The following PCDHGA1 variants were observed in gnomAD, a reference collection of about 807,000 sequenced individuals.
The protein encoded by PCDHGA1 is protocadherin gamma subfamily A, 1.
In PCDHGA1, 32 loss-of-function variants were observed where a neutral mutation model predicts 58.0. That is an observed-to-expected ratio of 0.55 (90% CI 0.42 to 0.74). The LOEUF is 0.74. PCDHGA1 is among the 30% of genes least tolerant of loss of function. PCDHGA1 has a pLI of 0.00. For missense variants in PCDHGA1, 1,205 were observed against 1,182.3 expected, an observed-to-expected ratio of 1.02 and a Z score of -0.28; for synonymous variants, 498 against 501.1, an observed-to-expected ratio of 0.99 and a Z score of 0.08.
rs1360364370 is a variant in PCDHGA1, at chr5:141,491,814, G to A, written c.2422-2993G>A. 1 of 1,486,114 alleles carries A rather than the reference G, an allele frequency of 6.7e-7. No individual in the cohort carries two copies. The allele number at this position is 1,486,114 out of a possible 1,614,324, so 92.1% of individuals were successfully genotyped here. On this transcript the variant is annotated intron_variant, in intron 1 of 3. Transcript: ENST00000517417. This position sits in a 1 kb window ranked among gnomAD's most constrained non-coding sequence, Gnocchi z 6.9. ...TCCTCTCCGGCCGGCTTGGTCGCTGGCTGCGCTCCACCCGATTCTCGGGAT... is the reference window on the plus strand; with the variant it reads ...TCCTCTCCGGCCGGCTTGGTCGCTGACTGCGCTCCACCCGATTCTCGGGAT...
chr5:141,378,320 CGA>C (rs1285013125), intron 1 of PCDHGA1: 1 of 152,164 alleles, frequency 6.6e-6, no homozygotes, highest in Admixed American at 6.5e-5. Flanking sequence ...GTCAGGAGTT[CGA>C]GACCAGCCTG....
chr5:141,341,418 A>G (rs757358627), intron 1 of PCDHGA1: 2 of 1,613,748 alleles, frequency 1.2e-6, no homozygotes, highest in African/African-American at 2.7e-5. Context: ...TTCACAACAT[A>G]CGTACTAGCT....
chr5:141,490,288 G>T lies in PCDHGA1; in HGVS notation c.2422-4519G>T, dbSNP rs2099698282. 1.2e-6 allele frequency: 2 copies of T among 1,614,080 alleles called. No homozygotes were observed. Among genetic ancestry groups the T allele is most frequent in the South Asian group, 1.1e-5 (1 of 91,092 alleles). On this transcript the variant is annotated intron_variant, in intron 1 of 3. Transcript: ENST00000517417. This position sits in a 1 kb window ranked among gnomAD's most constrained non-coding sequence, Gnocchi z 5.4. ...GGATGTCAATGACAATGCCCCAGAG[G>T]TGCTATTGGCCTCTTTGGCCAACCC...
intron 1 of PCDHGA1, chr5:141,340,637 A>C: frequency 6.2e-7 from 1 of 1,614,170 alleles, no homozygotes; most frequent in Non-Finnish European, 8.5e-7. Flanking sequence ...GCTGGACCAG[A>C]ACGACAACGC....
chr5:141,427,425 AC>A (rs1184817093), intron 1 of PCDHGA1: 2 of 469,034 alleles, frequency 4.3e-6, no homozygotes, highest in Non-Finnish European at 8.5e-6. Flanking sequence ...TGGGGAGGTT[AC>A]ATGCCTCATA....
chr5:141,331,981 T>G lies in PCDHGA1; in HGVS notation c.1297T>G (p.Ser433Ala), dbSNP rs762506899. ...AATAGACCAAGGAACTCCAGCTCTATCTACTGAAACTCACATTTCACTACT... is the reference window on the plus strand; with the variant it reads ...AATAGACCAAGGAACTCCAGCTCTAGCTACTGAAACTCACATTTCACTACT... The part of the protein sequence containing the change: ...TAIDQGTPAL[S>A]TETHISLLVT... The change falls in exon 1 of 4, where the codon TCT (serine) becomes GCT (alanine). Residue 433 changes from serine to alanine, a missense_variant. By Grantham distance (99) the Ser-to-Ala change is moderately conservative (BLOSUM62 1). Coordinates refer to ENST00000517417, the MANE Select transcript of PCDHGA1 (RefSeq NM_018912.3). The G allele has an allele frequency of 6.2e-7, 1 of 1,614,004 alleles. No homozygotes were observed. Among genetic ancestry groups the G allele is most frequent in the Non-Finnish European group, 8.5e-7 (1 of 1,180,012 alleles).
At chr5:141,460,961 A>ATATGTGTG (rs1463306338) in intron 1 of PCDHGA1, among the ~76,000 whole-genome samples, 3 of 144,556 alleles carry the variant, frequency 2.1e-5, no homozygotes, top group African/African-American at 7.8e-5. Context: ...GTATATATAT[A>ATATGTGTG]TGTGTGTGTG....
chr5:141,405,108 G>A, intron 1 of PCDHGA1: 1 of 1,613,960 alleles, frequency 6.2e-7, no homozygotes, highest in Non-Finnish European at 8.5e-7. Flanking sequence ...CTGAGGCACT[G>A]GCACTCCTCG....
Position 141,351,711 on chromosome 5 carries a change from CCTA to C in PCDHGA1, c.2421+18609_2421+18611del, listed in dbSNP as rs549925398. On this transcript the variant is annotated intron_variant, in intron 1 of 3. Transcript: ENST00000517417. ...GATTTGGGACCCAACGGCAGAGTCT[CCTA>C]CTCTATTCTGGCCAGTGACCTGGAG... 1.1e-4 allele frequency: 173 copies of C among 1,613,916 alleles called. 1 individual carries two copies. In the African/African-American group the frequency reaches 2.0e-3, roughly 18 times the overall value.
Position 141,361,293 on chromosome 5 carries a change from GT to G in PCDHGA1, c.2421+28190del, listed in dbSNP as rs748961752. 9.3e-6 allele frequency: 15 copies of G among 1,614,018 alleles called. No homozygotes were observed. The Admixed American group carries it at 2.3e-4, about 25-fold the overall frequency. On this transcript the variant is annotated intron_variant, in intron 1 of 3. Coordinates refer to ENST00000517417, the MANE Select transcript of PCDHGA1 (RefSeq NM_018912.3). The stretch of plus-strand genomic sequence containing the variant: ...AAAATGGAGAAGTTTACTGCCAAGT[GT>G]TGGGAAATGCCAAGTTTATTTTGAA...
At chr5:141,508,700 CCT>C in intron 3 of PCDHGA1, among the ~76,000 whole-genome samples, 1 of 152,158 alleles carries the variant, frequency 6.6e-6, no homozygotes, top group Non-Finnish European at 1.5e-5. Flanking sequence ...CCGTGTTCCT[CCT>C]CATTCTTTTC....
At position 141,486,002 on chromosome 5, in the gene PCDHGA1, G is replaced by A. The variant is rs372373315; in HGVS notation, c.2422-8805G>A. ...CCCGGACCTGGGTCCCAGTGGTAAC[G>A]TCACCTTTTATTTCAGTGGTCATAC... On this transcript the variant is annotated intron_variant, in intron 1 of 3. Coordinates refer to ENST00000517417, the MANE Select transcript of PCDHGA1 (RefSeq NM_018912.3). The surrounding 1 kb of genome is among the most constrained non-coding windows in gnomAD (Gnocchi z 5.0). 2.0e-5 allele frequency: 33 copies of A among 1,614,030 alleles called. No homozygotes were observed. The highest frequency in any genetic ancestry group is 2.8e-5 in the Non-Finnish European group (33 of 1,180,014).
intron 1 of PCDHGA1, chr5:141,423,689 G>T: frequency 7.1e-7 from 1 of 1,400,130 alleles, no homozygotes; most frequent in Non-Finnish European, 9.4e-7. Context: ...CCTCCTAATT[G>T]TTGGTGTCTT....
intron 1 of PCDHGA1, chr5:141,340,081 T>C (rs146814680): frequency 1.2e-6 from 2 of 1,614,090 alleles, no homozygotes; most frequent in Non-Finnish European, 1.7e-6. Flanking sequence ...GGCTTTTTAA[T>C]GTACATGATA....
chr5:141,362,548 A>G (rs759735052), intron 1 of PCDHGA1: 10 of 1,612,574 alleles, frequency 6.2e-6, no homozygotes, highest in African/African-American at 1.3e-5. Flanking sequence ...CTCAGATACT[A>G]TTTTGAAGGT....
At chr5:141,389,513 C>T (rs749432491) in intron 1 of PCDHGA1, 3 of 1,613,156 alleles carry the variant, frequency 1.9e-6, no homozygotes, top group South Asian at 1.1e-5. Context: ...TCAGCGCGAA[C>T]GTGAGCCTGC....
rs140093062 is a variant in PCDHGA1, at chr5:141,346,666, C to A, written c.2421+13561C>A. On this transcript the variant is annotated intron_variant, in intron 1 of 3. Coordinates refer to ENST00000517417, the MANE Select transcript of PCDHGA1 (RefSeq NM_018912.3). ...GAGTGGGCTTAGGGAAAAAATAATA[C>A]ATCGTGAGTGAAAGTAAAGTGTCAC... 4.3e-3 allele frequency: 3,084 copies of A among 716,572 alleles called. 19 individuals carry two copies. Among genetic ancestry groups the A allele is most frequent in the Admixed American group, 0.01 (343 of 33,036 alleles). The allele number at this position is 716,572 out of a possible 1,614,324, so 44.4% of individuals were successfully genotyped here.
chr5:141,449,830 T>G (rs1316368063), intron 1 of PCDHGA1, among the ~76,000 whole-genome samples: 1 of 151,724 alleles, frequency 6.6e-6, no homozygotes, highest in Non-Finnish European at 1.5e-5. Flanking sequence ...AAGGACATTC[T>G]TTTATATAAT....
intron 1 of PCDHGA1, chr5:141,410,134 C>G (rs573769764): frequency 6.2e-7 from 1 of 1,612,766 alleles, no homozygotes; most frequent in Admixed American, 1.7e-5. Context: ...GCCTGCTGGT[C>G]GCTGTGCGTG....
Sources: gnomAD v4.1 joint callset for allele counts (sites outside exome capture counted in the v4.1 genomes callset) on GRCh38, gnomAD v4.1.1 for gene constraint, Gnocchi (gnomAD v3.1) non-coding constraint, MANE v1.5 for transcripts, NCBI Gene and HGNC (gene_info 2026-07-23, HGNC 2026-07-21) for gene names.